The following ST6GAL2 variants were observed in gnomAD, a reference collection of about 807,000 sequenced individuals.
ST6GAL2 encodes ST6 beta-galactoside alpha-2,6-sialyltransferase 2.
Under a neutral mutation model 37.5 loss-of-function variants are expected in ST6GAL2, and 24 were observed. The observed-to-expected ratio is 0.64, with a 90% CI of 0.46 to 0.90. The LOEUF (loss-of-function observed/expected upper bound fraction) is 0.90. ST6GAL2 is among the 40% of genes least tolerant of loss of function. ST6GAL2 has a pLI of 0.00. For missense variants in ST6GAL2, 715 were observed against 712.7 expected (o/e 1.00, Z -0.04); for synonymous variants, 306 against 295.1 (o/e 1.04, Z -0.38).
intron 5 of ST6GAL2, among the ~76,000 whole-genome samples, chr2:106,825,637 T>C (rs1676172353): frequency 6.6e-6 from 1 of 152,268 alleles, no homozygotes; most frequent in Non-Finnish European, 1.5e-5. Flanking sequence ...ATTATTTGTA[T>C]CTGCTATGTA....
chr2:106,876,664 G>T (rs1485637947), intron 1 of ST6GAL2, among the ~76,000 whole-genome samples: 1 of 152,152 alleles, frequency 6.6e-6, no homozygotes, highest in Non-Finnish European at 1.5e-5. Flanking sequence ...GCTTCTTGAT[G>T]TGCTGGTTAT....
intron 5 of ST6GAL2, among the ~76,000 whole-genome samples, chr2:106,823,927 C>T (rs989545721): frequency 6.6e-6 from 1 of 152,138 alleles, no homozygotes; most frequent in African/African-American, 2.4e-5. Flanking sequence ...ACCTTCATGA[C>T]CTAATCACCT....
At chr2:106,833,537 C>T (rs12233245) in intron 3 of ST6GAL2, among the ~76,000 whole-genome samples, 39,572 of 152,056 alleles carry the variant, frequency 0.26, 6,226 homozygotes, top group East Asian at 0.57. Context: ...CTGAGGATAA[C>T]TTTGCTATAA....
chr2:106,841,824 C>T (rs369373719), intron 2 of ST6GAL2, among the ~76,000 whole-genome samples: 1 of 152,164 alleles, frequency 6.6e-6, no homozygotes, highest in African/African-American at 2.4e-5. Context: ...GCCATGGCCC[C>T]ATCAATCAAA....
chr2:106,824,069 C>G (rs1205396776), intron 5 of ST6GAL2, among the ~76,000 whole-genome samples: 3 of 152,160 alleles, frequency 2.0e-5, no homozygotes, highest in African/African-American at 7.2e-5. Flanking sequence ...GAATGCCTTC[C>G]TGCAATCAAT....
intron 1 of ST6GAL2, among the ~76,000 whole-genome samples, chr2:106,875,383 G>A (rs184144574): frequency 1.3e-5 from 2 of 152,010 alleles, no homozygotes; most frequent in Non-Finnish European, 2.9e-5. Flanking sequence ...TCGCCATGTT[G>A]CCCAGGCTGG....
intron 2 of ST6GAL2, chr2:106,841,114 C>T (rs1003270157): frequency 1.3e-5 from 2 of 152,160 alleles, no homozygotes; most frequent in African/African-American, 4.8e-5. Context: ...TACCCCAGAC[C>T]TTGATTCCAG....
rs773338561 is a variant in ST6GAL2 at position 106,806,758 on chromosome 2, G to A, written c.1510C>T (p.His504Tyr). 3 of 1,614,176 alleles carry A rather than the reference G, an allele frequency of 1.9e-6. No homozygotes were observed. In the South Asian group the frequency reaches 3.3e-5, roughly 18 times the overall value. Residue 504 changes from histidine to tyrosine, a missense_variant, in exon 6 of 6, where the codon CAT (histidine) becomes TAT (tyrosine). Coordinates refer to ENST00000409382, the MANE Select transcript of ST6GAL2 (RefSeq NM_001142351.2). ...GGAAGAACCACCTTGCCCTTGCGAT[G>A]CAAATCCCCCTGCGTGCCCATGTTC... ...RLNMGTQGDL[H>Y]RKGKVVLPGF...
chr2:106,845,136 G>A (rs1677091322), intron 1 of ST6GAL2, among the ~76,000 whole-genome samples: 2 of 152,170 alleles, frequency 1.3e-5, no homozygotes, highest in African/African-American at 4.8e-5. Flanking sequence ...GTTTGTGTGT[G>A]CGTTTTGCAG....
chr2:106,851,522 G>C (rs1274831161), intron 1 of ST6GAL2, among the ~76,000 whole-genome samples: 1 of 152,198 alleles, frequency 6.6e-6, no homozygotes, highest in Non-Finnish European at 1.5e-5. Flanking sequence ...TTACACTGCA[G>C]CTTAAGGTTA....
At chr2:106,875,986 G>T (rs1291799947) in intron 1 of ST6GAL2, among the ~76,000 whole-genome samples, 1 of 152,074 alleles carries the variant, frequency 6.6e-6, no homozygotes, top group East Asian at 1.9e-4. Context: ...TTTGTAAATA[G>T]ATGAGGTCTC....
chr2:106,812,212 G>A lies in ST6GAL2; in HGVS notation c.1319-5263C>T, dbSNP rs978678205. 3.3e-5 allele frequency among the ~76,000 whole-genome samples: 5 copies of A among 152,308 alleles called. No homozygotes were observed. The South Asian group carries it at 6.2e-4, about 19-fold the overall frequency. On this transcript the variant is annotated intron_variant, in intron 5 of 5. Coordinates refer to ENST00000409382, the MANE Select transcript of ST6GAL2 (RefSeq NM_001142351.2). ...TGTGTGGAACCAGCAAGAAGGCTCC[G>A]TCTCTGAATCAGGAAGAGAGGCCAA... is the stretch of plus-strand genomic sequence containing the variant.
chr2:106,867,025 T>C (rs1678056132), intron 1 of ST6GAL2, among the ~76,000 whole-genome samples: 1 of 152,104 alleles, frequency 6.6e-6, no homozygotes, highest in Non-Finnish European at 1.5e-5. Context: ...ACTTGGAACA[T>C]TAAAAATACT....
At chr2:106,842,445 G>A (rs570628284) in intron 2 of ST6GAL2, among the ~76,000 whole-genome samples, 1 of 152,210 alleles carries the variant, frequency 6.6e-6, no homozygotes, top group Non-Finnish European at 1.5e-5. Flanking sequence ...CAGTTGGGAG[G>A]CCGGAACTTA....
chr2:106,886,210 G>C (rs1433881888), upstream of ST6GAL2: 1 of 152,294 alleles, frequency 6.6e-6, no homozygotes, highest in Non-Finnish European at 1.5e-5. Context: ...CCCGGCAGCC[G>C]CTCGGGTGCG....
Position 106,843,666 on chromosome 2 carries a change from A to G in ST6GAL2, c.312T>C (p.Asp104=), listed in dbSNP as rs950847770. 1 of 1,613,270 alleles carries G rather than the reference A, an allele frequency of 6.2e-7. No individual in the cohort carries two copies. Among genetic ancestry groups the G allele is most frequent in the Non-Finnish European group, 8.5e-7 (1 of 1,180,002 alleles). ...AAAAAAACTCTTTATGTTCAAACCC[A>G]TCTTGGGACTGGGCCCATTTCTGCA... The part of the protein sequence containing the change: ...GDLQKWAQSQ[D]GFEHKEFFSS... Residue 104 remains aspartate (D), a synonymous_variant, in exon 2 of 6, where the codon GAT becomes GAC. Coordinates refer to ENST00000409382, the MANE Select transcript of ST6GAL2 (RefSeq NM_001142351.2).
At chr2:106,854,929 C>CA (rs34470697) in intron 1 of ST6GAL2, among the ~76,000 whole-genome samples, 12,567 of 131,004 alleles carry the variant, frequency 0.096, 1,041 homozygotes, top group East Asian at 0.47. Context: ...TTATTTTTTC[C>CA]AAAAAAAAAA....
chr2:106,831,605 G>A (rs1676428213), intron 4 of ST6GAL2, among the ~76,000 whole-genome samples: 1 of 152,154 alleles, frequency 6.6e-6, no homozygotes, highest in African/African-American at 2.4e-5. Flanking sequence ...TGGAGATGGG[G>A]CTCTGACAGA....
intron 2 of ST6GAL2, among the ~76,000 whole-genome samples, chr2:106,839,393 A>C (rs952008746): frequency 6.6e-6 from 1 of 151,962 alleles, no homozygotes. Flanking sequence ...GTCAGCCTAC[A>C]TATCTCTCTG....
Sources: gnomAD v4.1 joint callset for allele counts (sites outside exome capture counted in the v4.1 genomes callset) on GRCh38, gnomAD v4.1.1 for gene constraint, MANE v1.5 for transcripts, NCBI Gene and HGNC (gene_info 2026-07-23, HGNC 2026-07-21) for gene names.